BNC2: variants seen among roughly 807,000 people sequenced by gnomAD.
BNC2 encodes zinc finger protein basonuclin-2.
BNC2 carries 20 observed loss-of-function variants against 76.3 expected under a neutral mutation model. The ratio of observed to expected loss-of-function variants is 0.26; its 90% confidence interval spans 0.18 to 0.38. BNC2 has a LOEUF of 0.38. Among genes scored for constraint, BNC2 ranks in the 10% least tolerant of loss-of-function variants. The pLI, the probability that BNC2 is intolerant of heterozygous loss-of-function variation, is 1.00. For synonymous variants in BNC2, 582 were observed against 514.8 expected, an observed-to-expected ratio of 1.13 and a Z score of -1.77; for missense variants, 1,382 against 1,399.8, an observed-to-expected ratio of 0.99 and a Z score of 0.20.
chr9:16,508,111 A>G (rs914084594), intron 5 of BNC2, among the ~76,000 whole-genome samples: 4 of 152,244 alleles, frequency 2.6e-5, no homozygotes, highest in Non-Finnish European at 5.9e-5. Context: ...ACAGGTAACA[A>G]CAGCATATAA....
At chr9:16,765,297 C>T (rs1372895218) in intron 1 of BNC2, among the ~76,000 whole-genome samples, 2 of 152,024 alleles carry the variant, frequency 1.3e-5, no homozygotes, top group East Asian at 3.9e-4. Context: ...TTTATTCTGG[C>T]TAAGACTCCT....
intron 3 of BNC2, among the ~76,000 whole-genome samples, chr9:16,593,516 G>A (rs762358665): frequency 1.3e-5 from 2 of 150,980 alleles, no homozygotes; most frequent in Admixed American, 6.6e-5. Flanking sequence ...CAAAGCATAC[G>A]CAAGCTTTGG....
At chr9:16,827,712 G>A (rs1172021850) in intron 1 of BNC2, among the ~76,000 whole-genome samples, 3 of 152,162 alleles carry the variant, frequency 2.0e-5, no homozygotes, top group South Asian at 4.1e-4. Flanking sequence ...GCACACGTGT[G>A]TAAAAGAGTA....
At chr9:16,818,853 A>T (rs1818247779) in intron 1 of BNC2, among the ~76,000 whole-genome samples, 1 of 140,616 alleles carries the variant, frequency 7.1e-6, no homozygotes, top group Admixed American at 7.6e-5. Flanking sequence ...ATTCATTTAA[A>T]GGAGTGAGGC....
At chr9:16,483,793 T>A (rs747403171) in intron 5 of BNC2, among the ~76,000 whole-genome samples, 6 of 152,108 alleles carry the variant, frequency 3.9e-5, no homozygotes, top group Non-Finnish European at 8.8e-5. Context: ...TAAGGAATGG[T>A]CCCTGAGCAA....
chr9:16,672,798 G>A (rs1822518490), intron 3 of BNC2, among the ~76,000 whole-genome samples: 1 of 152,158 alleles, frequency 6.6e-6, no homozygotes, highest in Non-Finnish European at 1.5e-5. Context: ...CTGCTAAAGA[G>A]TAAGAGAACA....
At chr9:16,728,140 C>T in intron 2 of BNC2, 143 bp from the exon 3 acceptor site, 2 of 773,200 alleles carry the variant, frequency 2.6e-6, no homozygotes, top group Non-Finnish European at 2.3e-6. Context: ...TCTTTCGCAC[C>T]TTCTGCACAG....
intron 1 of BNC2, among the ~76,000 whole-genome samples, chr9:16,821,241 A>C (rs540086642): frequency 1.3e-5 from 2 of 151,460 alleles, no homozygotes; most frequent in Non-Finnish European, 2.9e-5. Context: ...CTCAAAAAAA[A>C]AAAAAGAAAA....
chr9:16,658,170 G>A (rs201336597), intron 3 of BNC2, among the ~76,000 whole-genome samples: 1 of 152,078 alleles, frequency 6.6e-6, no homozygotes, highest in Non-Finnish European at 1.5e-5. Context: ...CTCCAAATCA[G>A]TAATACATGT....
chr9:16,634,739 G>A (rs1278952857), intron 3 of BNC2, among the ~76,000 whole-genome samples: 4 of 151,996 alleles, frequency 2.6e-5, no homozygotes, highest in Non-Finnish European at 5.9e-5. Flanking sequence ...CTGACCTTGT[G>A]ATCTACCCGC....
At chr9:16,456,913 C>T (rs1927641) in intron 5 of BNC2, among the ~76,000 whole-genome samples, 61,355 of 151,990 alleles carry the variant, frequency 0.4, 13,615 homozygotes, top group East Asian at 0.67. Flanking sequence ...TGAGGGTCAA[C>T]TGTCACTTTA....
At chr9:16,615,022 C>T in intron 3 of BNC2, among the ~76,000 whole-genome samples, 1 of 142,772 alleles carries the variant, frequency 7.0e-6, no homozygotes, top group Admixed American at 7.1e-5. Flanking sequence ...AGGCCAGTTA[C>T]CTTTCCACAT....
At chr9:16,453,444 G>C (rs1055204142) in intron 5 of BNC2, among the ~76,000 whole-genome samples, 1 of 152,146 alleles carries the variant, frequency 6.6e-6, no homozygotes, top group Non-Finnish European at 1.5e-5. Context: ...ATCCAGGCCT[G>C]AAGAGTTAAG....
intron 3 of BNC2, among the ~76,000 whole-genome samples, chr9:16,639,155 T>A (rs1478977652): frequency 6.6e-6 from 1 of 152,188 alleles, no homozygotes; most frequent in Non-Finnish European, 1.5e-5. Context: ...ACTTATTTTT[T>A]AAAAACAGAA....
intron 3 of BNC2, among the ~76,000 whole-genome samples, chr9:16,596,250 G>A (rs1820071924): frequency 1.3e-5 from 2 of 152,020 alleles, no homozygotes. Context: ...TTGGGGCAGG[G>A]GAGATCAACC....
rs116658883 is a variant in BNC2 at position 16,695,261 on chromosome 9, A to G, written c.330+32536T>C. Among the ~76,000 whole-genome samples the G allele has an allele frequency of 1.5e-3, 233 of 152,244 alleles. 1 individual carries two copies. Among genetic ancestry groups the G allele is most frequent in the African/African-American group, 5.3e-3 (220 of 41,572 alleles). On this transcript the variant is annotated intron_variant, in intron 3 of 6. Transcript: ENST00000380672. ...GCTACTTACGTAATTGACTTACCCA[A>G]TGGTAAGTAATACTTAAAATAATAC...
intron 3 of BNC2, among the ~76,000 whole-genome samples, chr9:16,686,287 A>G (rs544369985): frequency 5.9e-5 from 9 of 152,284 alleles, no homozygotes; most frequent in African/African-American, 2.2e-4. Flanking sequence ...CTATATCTAA[A>G]ATTCTAAACT....
chr9:16,428,054 C>T (rs1820834269), intron 6 of BNC2, among the ~76,000 whole-genome samples: 1 of 152,028 alleles, frequency 6.6e-6, no homozygotes, highest in South Asian at 2.1e-4. Context: ...CATTACTGAA[C>T]TGCTGAAATG....
At position 16,728,097 on chromosome 9, in the gene BNC2, G is replaced by C. The variant is rs1824403231; in HGVS notation, c.130-100C>G. 16 of 825,222 alleles carry C rather than the reference G, an allele frequency of 1.9e-5. No individual in the cohort carries two copies. In the East Asian group the frequency reaches 5.1e-4, roughly 26 times the overall value. The allele number at this position is 825,222 out of a possible 1,614,324, so 51.1% of individuals were successfully genotyped here. ...TGAACTGTGCATTTCATTTGGGAAG[G>C]GGGAGATTTGGGGGAGGGAGGGGGT... On this transcript the variant is annotated intron_variant, in intron 2 of 6. Transcript: ENST00000380672.
Sources: allele counts gnomAD v4.1 joint callset (sites outside exome capture counted in the v4.1 genomes callset), GRCh38; gene constraint gnomAD v4.1.1; transcripts MANE v1.5; gene names NCBI Gene and HGNC (gene_info 2026-07-23, HGNC 2026-07-21).